PCDHA2: variants seen among roughly 807,000 people sequenced by gnomAD.
The protein encoded by PCDHA2 is protocadherin alpha 2, also known as protocadherin alpha-2.
A neutral mutation model predicts 66.0 loss-of-function variants in PCDHA2; 58 were observed. That is an observed-to-expected ratio of 0.88 (90% CI 0.71 to 1.09). The LOEUF is 1.09. Ranked by LOEUF, PCDHA2 falls within the 50% of genes least tolerant of loss-of-function variation. The pLI, the probability that PCDHA2 is intolerant of heterozygous loss-of-function variation, is 0.00. For missense variants in PCDHA2, 1,267 were observed against 1,242.3 expected (o/e 1.02, Z -0.30); for synonymous variants, 634 against 554.0 (o/e 1.14, Z -2.03).
intron 1 of PCDHA2, among the ~76,000 whole-genome samples, chr5:140,904,190 C>T (rs1292555686): frequency 6.6e-6 from 1 of 151,916 alleles, no homozygotes; most frequent in Non-Finnish European, 1.5e-5. Flanking sequence ...CCCTTCCCAC[C>T]CTTTCCCCCT....
At chr5:140,839,492 T>A (rs1240592123) in intron 1 of PCDHA2, among the ~76,000 whole-genome samples, 2 of 151,944 alleles carry the variant, frequency 1.3e-5, no homozygotes, top group Non-Finnish European at 2.9e-5. Context: ...TGGGCTCAAG[T>A]GATCTTCCTA....
chr5:140,805,653 A>T (rs1686514834), intron 1 of PCDHA2: 5 of 846,806 alleles, frequency 5.9e-6, no homozygotes, highest in Admixed American at 6.2e-5. Context: ...GGAAGTCTTC[A>T]TTCCCCATTA....
At chr5:140,926,942 C>CT in intron 1 of PCDHA2, 1 of 1,585,854 alleles carries the variant, frequency 6.3e-7, no homozygotes, top group Non-Finnish European at 8.6e-7. Flanking sequence ...TCCTGCGGCG[C>CT]TGCAGCGGGA....
intron 3 of PCDHA2, among the ~76,000 whole-genome samples, chr5:140,986,174 A>G (rs896771813): frequency 1.3e-5 from 2 of 152,238 alleles, no homozygotes; most frequent in Admixed American, 6.5e-5. Flanking sequence ...CAGGATAAAC[A>G]AGTCAGGCAT....
chr5:140,966,454 C>A (rs897696652), intron 1 of PCDHA2: 2 of 426,524 alleles, frequency 4.7e-6, no homozygotes, highest in Non-Finnish European at 8.1e-6. Flanking sequence ...TCCCCCTCCC[C>A]CTCTGTCTTC....
At chr5:140,839,133 T>C (rs1776048029) in intron 1 of PCDHA2, among the ~76,000 whole-genome samples, 1 of 149,316 alleles carries the variant, frequency 6.7e-6, no homozygotes, top group Non-Finnish European at 1.5e-5. Context: ...GTCATTCACA[T>C]AAGCAGACCA....
intron 1 of PCDHA2, chr5:140,836,929 A>G (rs1244897487): frequency 4.0e-6 from 2 of 498,160 alleles, no homozygotes; most frequent in Non-Finnish European, 6.9e-6. Flanking sequence ...GGGATGCGTA[A>G]TACTATAGAT....
Position 140,796,689 on chromosome 5 carries a change from C to T in PCDHA2, c.1725C>T (p.Gly575=), listed in dbSNP as rs782143025. 9.3e-6 allele frequency: 15 copies of T among 1,613,810 alleles called. No homozygotes were observed. The highest frequency in any genetic ancestry group is 1.3e-5 in the Non-Finnish European group (15 of 1,179,904). Residue 575 remains glycine, a synonymous_variant, in exon 1 of 4, where the codon GGC becomes GGT. Coordinates refer to ENST00000526136, the MANE Select transcript of PCDHA2 (RefSeq NM_018905.3). ...CGCCTAGGGCTGGCACCGCTGCTGGCGCAGTGAGTGAGCTGGTGCCGTGGT... is the reference window on the plus strand; with the variant it reads ...CGCCTAGGGCTGGCACCGCTGCTGGTGCAGTGAGTGAGCTGGTGCCGTGGT... The part of the protein sequence containing the change: ...LLAPRAGTAA[G]AVSELVPWSV...
intron 1 of PCDHA2, among the ~76,000 whole-genome samples, chr5:140,957,462 T>C (rs574379806): frequency 8.3e-4 from 126 of 152,308 alleles, no homozygotes; most frequent in African/African-American, 2.9e-3. Context: ...ATCATAGGTA[T>C]GTATGTATAG....
chr5:140,850,840 C>A (rs2150500104), intron 1 of PCDHA2: 2 of 1,597,492 alleles, frequency 1.3e-6, no homozygotes, highest in Non-Finnish European at 1.7e-6. Context: ...TGTGCTGGAT[C>A]TACAGAGCGA....
At chr5:140,999,345 C>A (rs2097854633) in intron 3 of PCDHA2, among the ~76,000 whole-genome samples, 1 of 152,178 alleles carries the variant, frequency 6.6e-6, no homozygotes, top group Non-Finnish European at 1.5e-5. Flanking sequence ...TAAGCCTTGT[C>A]TCTTTTTAAT....
At chr5:140,816,910 T>C (rs1766023355) in intron 1 of PCDHA2, 1 of 152,134 alleles carries the variant, frequency 6.6e-6, no homozygotes. Context: ...AGCCCTCAGT[T>C]ATAGATTCTG....
chr5:140,898,056 T>A (rs1330796298), intron 1 of PCDHA2, among the ~76,000 whole-genome samples: 5 of 152,202 alleles, frequency 3.3e-5, no homozygotes, highest in Admixed American at 3.3e-4. Context: ...TTCTTGTAAA[T>A]TTGTTTGAGT....
At chr5:140,865,799 T>A (rs1286819785) in intron 1 of PCDHA2, 1 of 152,200 alleles carries the variant, frequency 6.6e-6, no homozygotes, top group East Asian at 1.9e-4. Context: ...GGCTTCAGAC[T>A]CATTCTTTTA....
At chr5:140,911,589 C>A (rs1583792136) in intron 1 of PCDHA2, among the ~76,000 whole-genome samples, 1 of 152,302 alleles carries the variant, frequency 6.6e-6, no homozygotes, top group Middle Eastern at 3.4e-3. Flanking sequence ...TTAGGAGGAA[C>A]CAACCAACTT....
chr5:140,835,849 T>A (rs2150246527), intron 1 of PCDHA2: 15 of 1,612,302 alleles, frequency 9.3e-6, no homozygotes, highest in Non-Finnish European at 1.3e-5. Flanking sequence ...AAGAACGCGC[T>A]GGTGTCCTAC....
intron 1 of PCDHA2, among the ~76,000 whole-genome samples, chr5:140,976,181 A>G (rs1334452758): frequency 6.6e-6 from 1 of 152,208 alleles, no homozygotes; most frequent in Non-Finnish European, 1.5e-5. Flanking sequence ...ATTGTTTTAA[A>G]TCAATATCCT....
At position 140,969,169 on chromosome 5, in the gene PCDHA2, A is replaced by G. The variant is rs201735192; in HGVS notation, c.2389-9780A>G. 2.0e-5 allele frequency: 33 copies of G among 1,614,094 alleles called. No homozygotes were observed. In the Admixed American group the frequency reaches 5.5e-4, roughly 27 times the overall value. On this transcript the variant is annotated intron_variant, in intron 1 of 3. Transcript: ENST00000526136. The stretch of plus-strand genomic sequence containing the variant: ...ACAAGGCCTGTCTGACAGCAGGCTC[A>G]GGGAGTGACACTTTCATGTTTTACA...
Position 140,843,466 on chromosome 5 carries a change from G to T in PCDHA2, c.2388+46114G>T. ...TATCCAGCCTGCTGGTGCTCACGCT[G>T]CTGCTGTACACTGCGCTGCGGTGCT... On this transcript the variant is annotated intron_variant, in intron 1 of 3. Coordinates refer to ENST00000526136, the MANE Select transcript of PCDHA2 (RefSeq NM_018905.3). 2 of 1,596,074 alleles carry T rather than the reference G, an allele frequency of 1.3e-6. 1 individual carries two copies.
Sources: allele counts gnomAD v4.1 joint callset (sites outside exome capture counted in the v4.1 genomes callset), GRCh38; gene constraint gnomAD v4.1.1; transcripts MANE v1.5; gene names NCBI Gene and HGNC (gene_info 2026-07-23, HGNC 2026-07-21).